MYO6: variants seen among roughly 807,000 people sequenced by gnomAD.
MYO6 encodes unconventional myosin-VI.
Under a neutral mutation model 178.7 loss-of-function variants are expected in MYO6, and 74 were observed. That is an observed-to-expected ratio of 0.41 (90% CI 0.34 to 0.50). The LOEUF (loss-of-function observed/expected upper bound fraction) is 0.50. MYO6 is among the 20% of genes least tolerant of loss of function. The pLI is 0.09. For missense variants in MYO6, 1,330 were observed against 1,547.4 expected, an observed-to-expected ratio of 0.86 and a Z score of 2.36; for synonymous variants, 477 against 504.6, an observed-to-expected ratio of 0.95 and a Z score of 0.73.
rs1283663724 is a variant in MYO6, at chr6:75,908,633, G to C, written c.3412+6G>C. ...AAAGTCTGTTACTGATTATGGTAAA[G>C]AGAAATCTGTACTTTTGAACGTTTT... is the stretch of plus-strand genomic sequence containing the variant. On this transcript the variant is annotated splice_donor_region_variant and intron_variant, in intron 32 of 34. Coordinates refer to ENST00000369977, the MANE Select transcript of MYO6 (RefSeq NM_004999.4). The C allele has an allele frequency of 3.1e-6, 5 of 1,613,084 alleles. No homozygotes were observed. Among genetic ancestry groups the C allele is most frequent in the Non-Finnish European group, 4.2e-6 (5 of 1,179,314 alleles).
chr6:75,909,436 A>C (rs1409484074), intron 32 of MYO6, among the ~76,000 whole-genome samples: 1 of 152,220 alleles, frequency 6.6e-6, no homozygotes, highest in African/African-American at 2.4e-5. Flanking sequence ...AAAAGTGAGA[A>C]ATATTACCTT....
At chr6:75,773,981 A>G (rs1766133876) in intron 1 of MYO6, among the ~76,000 whole-genome samples, 1 of 152,238 alleles carries the variant, frequency 6.6e-6, no homozygotes, top group Admixed American at 6.5e-5. Context: ...TTTCATCTTT[A>G]TAAGGTGACT....
chr6:75,766,281 C>A (rs1778410276), intron 1 of MYO6, among the ~76,000 whole-genome samples: 1 of 151,922 alleles, frequency 6.6e-6, no homozygotes, highest in Non-Finnish European at 1.5e-5. Flanking sequence ...AGAGACCACA[C>A]CATTGTGCTC....
intron 30 of MYO6, among the ~76,000 whole-genome samples, chr6:75,900,761 G>T (rs9343328): frequency 0.13 from 19,198 of 150,802 alleles, 1,278 homozygotes; most frequent in Non-Finnish European, 0.15. Flanking sequence ...GTCAATTTTG[G>T]CTTTTGTTGC....
intron 22 of MYO6, among the ~76,000 whole-genome samples, chr6:75,881,120 G>C (rs1360177503): frequency 6.6e-6 from 1 of 152,136 alleles, no homozygotes; most frequent in African/African-American, 2.4e-5. Context: ...GGGTGTGGTG[G>C]TGCGTGCCTG....
chr6:75,824,431 C>T (rs565953620), intron 3 of MYO6, among the ~76,000 whole-genome samples: 1 of 152,202 alleles, frequency 6.6e-6, no homozygotes, highest in Admixed American at 6.5e-5. Context: ...GTAGGGTTTC[C>T]AGCTGCAGTG....
intron 9 of MYO6, among the ~76,000 whole-genome samples, chr6:75,844,102 C>G (rs1774500542): frequency 1.3e-5 from 2 of 152,064 alleles, no homozygotes; most frequent in Non-Finnish European, 2.9e-5. Flanking sequence ...CAGAAAAATG[C>G]AGTACTTTTA....
chr6:75,896,967 AT>A (rs1779355259), intron 29 of MYO6, among the ~76,000 whole-genome samples: 1 of 152,230 alleles, frequency 6.6e-6, no homozygotes, highest in South Asian at 2.1e-4. Context: ...TGTCTGGCAA[AT>A]TTGTTGCAGT....
At chr6:75,893,060 G>A (rs951467890) in intron 28 of MYO6, among the ~76,000 whole-genome samples, 1 of 152,016 alleles carries the variant, frequency 6.6e-6, no homozygotes, top group African/African-American at 2.4e-5. Context: ...GTTATATAAT[G>A]CAGTGTAATG....
chr6:75,882,662 C>T lies in MYO6; in HGVS notation c.2416+844C>T, dbSNP rs72654791. Among the ~76,000 whole-genome samples the T allele has an allele frequency of 0.013, 2,038 of 151,866 alleles. 79 individuals are homozygous for T. The East Asian group carries it at 0.15, about 11-fold the overall frequency. ...CATTTTAAAAAGGGGATTTGAGAAACGTATAAAAACATGACAGAACTCTTC... is the reference window on the plus strand; with the variant it reads ...CATTTTAAAAAGGGGATTTGAGAAATGTATAAAAACATGACAGAACTCTTC... On this transcript the variant is annotated intron_variant, in intron 23 of 34. Coordinates refer to ENST00000369977, the MANE Select transcript of MYO6 (RefSeq NM_004999.4).
chr6:75,883,406 C>G (rs556066459), intron 23 of MYO6, among the ~76,000 whole-genome samples: 7 of 151,828 alleles, frequency 4.6e-5, no homozygotes, highest in African/African-American at 1.4e-4. Context: ...TGCTTTTTTT[C>G]TTTTAGGACA....
chr6:75,841,299 A>G lies in MYO6; in HGVS notation c.737A>G (p.His246Arg), dbSNP rs121912560. ...CAAGGCAAAGAGGAAAGAAATTATC[A>G]TATCTTTTATAGGTTGTGTGCTGGT... ...CVQGKEERNYHIFYRLCAGAS... is the reference protein window; with the variant it reads ...CVQGKEERNYRIFYRLCAGAS... Residue 246 changes from histidine (H) to arginine (R), a missense_variant, in exon 9 of 35, where the codon CAT becomes CGT. Transcript: ENST00000369977. 2.9e-5 allele frequency: 46 copies of G among 1,614,006 alleles called. No homozygotes were observed. The highest frequency in any genetic ancestry group is 3.7e-5 in the Non-Finnish European group (44 of 1,179,902).
At chr6:75,832,148 C>G (rs921497786) in intron 5 of MYO6, among the ~76,000 whole-genome samples, 4 of 152,098 alleles carry the variant, frequency 2.6e-5, no homozygotes, top group Admixed American at 2.0e-4. Flanking sequence ...ACATTTAATA[C>G]AGTTTATAGC....
At chr6:75,840,819 T>C in intron 8 of MYO6, 137 bp downstream of exon 8, 2 of 722,274 alleles carry the variant, frequency 2.8e-6, no homozygotes, top group Admixed American at 2.2e-5. Flanking sequence ...CAGGAATATA[T>C]GTGTCCACTA....
rs1199128164 is a variant in MYO6, at chr6:75,879,865, G to A, written c.2123G>A (p.Arg708Gln). Residue 708 changes from arginine (R) to glutamine (Q), a missense_variant, in exon 21 of 35, where the codon CGA (arginine) becomes CAA (glutamine). This residue lies in a region of MYO6 where 613 missense variants were observed against 816.8 expected (regional missense o/e 0.75). Transcript: ENST00000369977. ...LDLMQGGYPS[R>Q]ASFHELYNMY... Reference sequence around the variant, plus strand: ...TTGATGCAGGGTGGTTACCCATCACGAGCTTCATTTCATGAACTCTACAAC... The same window carrying A: ...TTGATGCAGGGTGGTTACCCATCACAAGCTTCATTTCATGAACTCTACAAC... The A allele has an allele frequency of 1.9e-6, 3 of 1,613,950 alleles. No homozygotes were observed. Among genetic ancestry groups the A allele is most frequent in the Non-Finnish European group, 1.7e-6 (2 of 1,179,998 alleles).
intron 6 of MYO6, among the ~76,000 whole-genome samples, chr6:75,833,577 C>T (rs1054036594): frequency 3.3e-5 from 5 of 152,160 alleles, no homozygotes; most frequent in African/African-American, 1.2e-4. Flanking sequence ...CTTTCTGTGA[C>T]TGGCCTATTT....
intron 25 of MYO6, among the ~76,000 whole-genome samples, chr6:75,889,444 G>C (rs1468078613): frequency 1.3e-5 from 2 of 152,140 alleles, no homozygotes; most frequent in East Asian, 3.8e-4. Context: ...GGCTTGCTCT[G>C]TTGCCCAGTC....
intron 20 of MYO6, among the ~76,000 whole-genome samples, chr6:75,876,931 C>A (rs1313615757): frequency 3.3e-5 from 5 of 151,974 alleles, no homozygotes; most frequent in African/African-American, 9.7e-5. Context: ...TTTCCATTTT[C>A]ATTTTAAAGA....
intron 23 of MYO6, among the ~76,000 whole-genome samples, chr6:75,885,703 C>G (rs900124296): frequency 3.4e-4 from 51 of 152,236 alleles, no homozygotes; most frequent in African/African-American, 1.2e-3. Flanking sequence ...GCCTTGGCCT[C>G]CCGAAGTGCT....
Sources: gnomAD v4.1 joint callset for allele counts (sites outside exome capture counted in the v4.1 genomes callset) on GRCh38, gnomAD v4.1.1 for gene constraint, gnomAD v4.1.1 regional missense constraint, MANE v1.5 for transcripts, NCBI Gene and HGNC (gene_info 2026-07-23, HGNC 2026-07-21) for gene names.